Variants in EIF3D observed in about 807,000 individuals in gnomAD.
EIF3D encodes the protein eukaryotic translation initiation factor 3 subunit D.
Under a neutral mutation model 75.4 loss-of-function variants are expected in EIF3D, and 10 were observed. The ratio of observed to expected loss-of-function variants is 0.13; its 90% confidence interval spans 0.08 to 0.22. The LOEUF is 0.22. Ranked by LOEUF, EIF3D falls within the 10% of genes least tolerant of loss-of-function variation. The pLI is 1.00. For missense variants in EIF3D, 394 were observed against 708.0 expected (o/e 0.56, Z 5.03); for synonymous variants, 246 against 248.3 (o/e 0.99, Z 0.09).
rs1934556539 is a variant in EIF3D, at chr22:36,523,996, A to C, written c.307-16T>G. 1.2e-6 allele frequency: 2 copies of C among 1,613,792 alleles called. No homozygotes were observed. Among genetic ancestry groups the C allele is most frequent in the Non-Finnish European group, 1.7e-6 (2 of 1,179,796 alleles). On this transcript the variant is annotated splice_polypyrimidine_tract_variant and intron_variant, in intron 4 of 14. Transcript: ENST00000216190. ...GGAGGTTCCTCTGGGCATCAGCAAG[A>C]AACATCCATGTTAAAATCTTGGAGA...
chr22:36,511,427 T>C (rs577887112), intron 14 of EIF3D, 76 bp downstream of exon 14: 2 of 1,575,734 alleles, frequency 1.3e-6, no homozygotes, highest in Admixed American at 1.7e-5. Flanking sequence ...AGGTTAAAGA[T>C]CACAATGGCT....
intron 12 of EIF3D, among the ~76,000 whole-genome samples, chr22:36,514,315 A>G (rs1285475136): frequency 2.0e-5 from 3 of 151,868 alleles, no homozygotes; most frequent in Non-Finnish European, 4.4e-5. Context: ...GCAGAATTCT[A>G]AGATGACCCC....
intron 13 of EIF3D, 118 bp downstream of exon 13, chr22:36,512,341 AC>A: frequency 7.1e-7 from 1 of 1,416,630 alleles, no homozygotes; most frequent in Non-Finnish European, 9.6e-7. Flanking sequence ...TCTCTACCCC[AC>A]CCCTGGATTT....
In EIF3D at chr22:36,519,548, A is replaced by T. The variant is rs1568999923; in HGVS notation, c.579-11T>A. 3.7e-6 allele frequency: 6 copies of T among 1,614,134 alleles called. No individual in the cohort carries two copies. Among genetic ancestry groups the T allele is most frequent in the Non-Finnish European group, 5.1e-6 (6 of 1,179,992 alleles). On this transcript the variant is annotated splice_polypyrimidine_tract_variant and intron_variant, in intron 7 of 14. Coordinates refer to ENST00000216190, the MANE Select transcript of EIF3D (RefSeq NM_003753.4). Reference sequence around the variant, plus strand: ...GCCCCACAACACTCACTGTGGGAAGAGCAGGCAAAGACATGCAAAGTAAGA... The same window carrying T: ...GCCCCACAACACTCACTGTGGGAAGTGCAGGCAAAGACATGCAAAGTAAGA...
At chr22:36,526,178 G>A (rs1934595753) in intron 1 of EIF3D, 47 bp from the exon 2 acceptor site, 4 of 1,533,320 alleles carry the variant, frequency 2.6e-6, no homozygotes, top group Non-Finnish European at 3.5e-6. Flanking sequence ...GAAGGCCTCA[G>A]AGTACAAAAC....
intron 4 of EIF3D, 59 bp downstream of exon 4, chr22:36,524,537 G>A: frequency 1.2e-6 from 2 of 1,605,058 alleles, no homozygotes; most frequent in Non-Finnish European, 1.7e-6. Context: ...GCATTTTTTA[G>A]CAGGTGATGG....
At position 36,511,377 on chromosome 22, in the gene EIF3D, C is replaced by A. The variant is rs1163491196; in HGVS notation, c.1633+126G>T. 3.3e-6 allele frequency: 5 copies of A among 1,516,334 alleles called. No individual in the cohort carries two copies. The African/African-American group carries it at 5.5e-5, about 17-fold the overall frequency. 93.9% of individuals were successfully genotyped at this position (1,516,334 alleles called of 1,614,324 possible). On this transcript the variant is annotated intron_variant, in intron 14 of 14. Transcript: ENST00000216190. ...GCTCTTGGAGCCAAAGTGAATGCTT[C>A]TTCATACTTAAGTCTCAGGGAATTC...
intron 10 of EIF3D, 134 bp downstream of exon 10, chr22:36,517,167 C>T (rs918270046): frequency 8.4e-7 from 1 of 1,186,686 alleles, no homozygotes; most frequent in Non-Finnish European, 1.2e-6. Context: ...AGGCATGTAA[C>T]TCCCCTGCTA....
At chr22:36,511,021 A>C in intron 14 of EIF3D, 21 bp from the exon 15 acceptor site, 1 of 1,607,034 alleles carries the variant, frequency 6.2e-7, no homozygotes, top group Non-Finnish European at 8.5e-7. Context: ...CAAAAAATGT[A>C]AGAGAAATGA....
rs1188898941 is a variant in EIF3D at position 36,528,590 on chromosome 22, G to A, written c.-11+486C>T. ...TACAGATCATAAGCCGTCCATCGCT[G>A]AACAGGGGGTGGGGTAGATTTAAGA... On this transcript the variant is annotated intron_variant, in intron 1 of 14. Transcript: ENST00000216190. Among the ~76,000 whole-genome samples the A allele has an allele frequency of 2.4e-5, 3 of 125,688 alleles. 1 individual carries two copies. The highest frequency in any genetic ancestry group is 1.0e-4 in the African/African-American group (3 of 30,088). 82.5% of individuals were successfully genotyped at this position (125,688 alleles called of 152,430 possible).
rs922610344 is a variant in EIF3D, at chr22:36,518,750, G to A, written c.859+13C>T. On this transcript the variant is annotated intron_variant, in intron 9 of 14. Coordinates refer to ENST00000216190, the MANE Select transcript of EIF3D (RefSeq NM_003753.4). ...TCAATGCCTTTGAGTTGCTCCCCAGGCACGCTTCTTACCAAAGTCAGAGTT... is the reference window on the plus strand; with the variant it reads ...TCAATGCCTTTGAGTTGCTCCCCAGACACGCTTCTTACCAAAGTCAGAGTT... 1 of 1,613,482 alleles carries A rather than the reference G, an allele frequency of 6.2e-7. No homozygotes were observed. Among genetic ancestry groups the A allele is most frequent in the East Asian group, 2.2e-5 (1 of 44,874 alleles).
At chr22:36,511,402 C>T in intron 14 of EIF3D, 101 bp downstream of exon 14, 1 of 1,539,558 alleles carries the variant, frequency 6.5e-7, no homozygotes, top group Non-Finnish European at 8.7e-7. Flanking sequence ...TCAGGGAATT[C>T]TCGAAGTTTT....
chr22:36,516,698 G>A lies in EIF3D; in HGVS notation c.1076+7C>T, dbSNP rs1568998974. The A allele has an allele frequency of 1.2e-6, 2 of 1,614,104 alleles. No individual in the cohort carries two copies. Among genetic ancestry groups the A allele is most frequent in the South Asian group, 2.2e-5 (2 of 91,086 alleles). On this transcript the variant is annotated splice_region_variant and intron_variant, in intron 11 of 14. Coordinates refer to ENST00000216190, the MANE Select transcript of EIF3D (RefSeq NM_003753.4). ...TGGCCACAATACCCACCAGAGAGGT[G>A]ACCTACCGGTACGCAACAGAGGCGA...
At chr22:36,513,559 T>C (rs776267601) in intron 12 of EIF3D, among the ~76,000 whole-genome samples, 2 of 152,202 alleles carry the variant, frequency 1.3e-5, no homozygotes, top group Non-Finnish European at 2.9e-5. Context: ...CGCCCCGGCC[T>C]CCCAAAGTGC....
At position 36,520,714 on chromosome 22, in the gene EIF3D, A is replaced by T. The variant is rs371225142; in HGVS notation, c.466-26T>A. 8.5e-6 allele frequency: 13 copies of T among 1,535,968 alleles called. No individual in the cohort carries two copies. The East Asian group carries it at 1.4e-4, about 16-fold the overall frequency. On this transcript the variant is annotated intron_variant, in intron 6 of 14. Coordinates refer to ENST00000216190, the MANE Select transcript of EIF3D (RefSeq NM_003753.4). ...CTGCAGTTGAAAACCATTAGAGGAAAAAAAAGTTATAGTCCATACAAAACA... is the reference window on the plus strand; with the variant it reads ...CTGCAGTTGAAAACCATTAGAGGAATAAAAAGTTATAGTCCATACAAAACA...
rs1934342548 is a variant in EIF3D at position 36,511,832 on chromosome 22, GA to G, written c.1350-47del. 3.1e-6 allele frequency: 5 copies of G among 1,589,772 alleles called. No homozygotes were observed. In the African/African-American group the frequency reaches 6.7e-5, roughly 21 times the overall value. ...AGTGGTCAGAGCAGGGCAGCACAGA[GA>G]CAGCAACACTTGGGATCAAATGTCA... On this transcript the variant is annotated intron_variant, in intron 13 of 14. Transcript: ENST00000216190.
chr22:36,522,936 G>A (rs1330071455), intron 6 of EIF3D, among the ~76,000 whole-genome samples: 3 of 152,134 alleles, frequency 2.0e-5, no homozygotes, highest in African/African-American at 4.8e-5. Context: ...CCAGAACCAT[G>A]AGCTAAAGAA....
At chr22:36,528,883 C>G (rs1462711389) in intron 1 of EIF3D, 193 bp downstream of exon 1, 1 of 169,810 alleles carries the variant, frequency 5.9e-6, no homozygotes, top group Non-Finnish European at 1.2e-5. Flanking sequence ...ACCTCACCCA[C>G]AAGGTCGTGT....
chr22:36,518,697 G>A, intron 9 of EIF3D, 66 bp downstream of exon 9: 1 of 1,584,602 alleles, frequency 6.3e-7, no homozygotes, highest in Non-Finnish European at 8.6e-7. Flanking sequence ...TCTAGTACCA[G>A]AGACTTGTTC....
Sources: allele counts gnomAD v4.1 joint callset (sites outside exome capture counted in the v4.1 genomes callset), GRCh38; gene constraint gnomAD v4.1.1; transcripts MANE v1.5; gene names NCBI Gene and HGNC (gene_info 2026-07-23, HGNC 2026-07-21).